Variants in FLI1 observed in about 807,000 individuals in gnomAD.
FLI1 encodes the protein Friend leukemia integration 1 transcription factor.
FLI1 carries 13 observed loss-of-function variants against 53.1 expected under a neutral mutation model. The observed-to-expected ratio is 0.24, with a 90% CI of 0.16 to 0.39. FLI1 has a LOEUF of 0.39. FLI1 is among the 10% of genes least tolerant of loss of function. The pLI, the probability that FLI1 is intolerant of heterozygous loss-of-function variation, is 1.00. For missense variants in FLI1, 424 were observed against 600.5 expected (o/e 0.71, Z 3.07); for synonymous variants, 244 against 236.7 (o/e 1.03, Z -0.28).
intron 1 of FLI1, among the ~76,000 whole-genome samples, chr11:128,740,869 T>A (rs1258027768): frequency 6.6e-6 from 1 of 152,062 alleles, no homozygotes; most frequent in Non-Finnish European, 1.5e-5. Flanking sequence ...CTAATGGGGA[T>A]GGGGACTAGG....
At chr11:128,807,007 A>G (rs1448961863) in intron 6 of FLI1, 173 bp from the exon 7 acceptor site, 1 of 399,002 alleles carries the variant, frequency 2.5e-6, no homozygotes, top group Non-Finnish European at 4.4e-6. Context: ...TCCAGCCTGG[A>G]GAACAGGGCC....
chr11:128,784,745 C>G (rs1252830475), intron 5 of FLI1, among the ~76,000 whole-genome samples: 1 of 152,232 alleles, frequency 6.6e-6, no homozygotes, highest in African/African-American at 2.4e-5. Flanking sequence ...CTGCTCTGCT[C>G]TAATCACTAT....
intron 4 of FLI1, among the ~76,000 whole-genome samples, chr11:128,773,440 G>A (rs978293097): frequency 1.3e-5 from 2 of 151,820 alleles, no homozygotes; most frequent in African/African-American, 4.8e-5. Flanking sequence ...GGATACTCTG[G>A]CACACCCTAA....
At chr11:128,797,521 C>G (rs1244384889) in intron 5 of FLI1, among the ~76,000 whole-genome samples, 1 of 152,196 alleles carries the variant, frequency 6.6e-6, no homozygotes, top group African/African-American at 2.4e-5. Flanking sequence ...CCTGCACTGC[C>G]TACTTCCCTC....
In FLI1 at chr11:128,764,672, A is replaced by G. The variant is rs972141545; in HGVS notation, c.231-3446A>G. 9 of 1,536,324 alleles carry G rather than the reference A, an allele frequency of 5.9e-6. No homozygotes were observed. The African/African-American group carries it at 1.1e-4, about 19-fold the overall frequency. ...ACAGGCGCCAGCTGCCTCATTAAAG[A>G]GCAGCCTTTTATGCTGGGCTTCACC... On this transcript the variant is annotated intron_variant, in intron 2 of 8. Coordinates refer to ENST00000527786, the MANE Select transcript of FLI1 (RefSeq NM_002017.5).
chr11:128,760,313 C>T (rs1017336703), intron 2 of FLI1, among the ~76,000 whole-genome samples: 1 of 152,122 alleles, frequency 6.6e-6, no homozygotes, highest in African/African-American at 2.4e-5. Flanking sequence ...GGAGCCCGAA[C>T]CCAGGCGTTT....
chr11:128,778,034 C>A (rs541442983), intron 4 of FLI1, among the ~76,000 whole-genome samples: 4 of 152,288 alleles, frequency 2.6e-5, no homozygotes, highest in African/African-American at 9.6e-5. Flanking sequence ...ATCTTTTCCC[C>A]ATGCTTGCAC....
chr11:128,749,432 A>G (rs1940550966), intron 1 of FLI1, among the ~76,000 whole-genome samples: 2 of 152,154 alleles, frequency 1.3e-5, no homozygotes, highest in Admixed American at 6.5e-5. Flanking sequence ...GCCTCTCCAT[A>G]CGGTTGCTCA....
chr11:128,770,497 T>A (rs191228492), intron 3 of FLI1, among the ~76,000 whole-genome samples: 77 of 152,310 alleles, frequency 5.1e-4, no homozygotes, highest in African/African-American at 1.8e-3. Flanking sequence ...AATCACTAGC[T>A]CCATGTTCAG....
At chr11:128,687,736 T>G (rs1937604318) in intron 1 of FLI1, among the ~76,000 whole-genome samples, 1 of 151,962 alleles carries the variant, frequency 6.6e-6, no homozygotes, top group Non-Finnish European at 1.5e-5. Context: ...CCAACCCTCC[T>G]CAGATCTCTC....
intron 1 of FLI1, among the ~76,000 whole-genome samples, chr11:128,742,291 A>G (rs778529677): frequency 6.6e-5 from 10 of 152,344 alleles, no homozygotes; most frequent in Non-Finnish European, 1.0e-4. Context: ...TTCCATAGAC[A>G]TATTCCTGGC....
intron 3 of FLI1, among the ~76,000 whole-genome samples, chr11:128,768,742 C>G (rs868546322): frequency 6.6e-6 from 1 of 151,942 alleles, no homozygotes; most frequent in South Asian, 2.1e-4. Flanking sequence ...TCCTAGCTGC[C>G]CTTTAAGGCA....
At chr11:128,797,112 T>C (rs1371161635) in intron 5 of FLI1, among the ~76,000 whole-genome samples, 3 of 152,270 alleles carry the variant, frequency 2.0e-5, no homozygotes, top group African/African-American at 7.2e-5. Flanking sequence ...AGGCAAATCA[T>C]GGGAATTGTT....
intron 4 of FLI1, among the ~76,000 whole-genome samples, chr11:128,779,272 T>G (rs568250463): frequency 1.1e-4 from 16 of 152,346 alleles, no homozygotes; most frequent in Admixed American, 9.8e-4. Flanking sequence ...ATCATTTTTC[T>G]TTATTTGCTC....
rs565143350 is a variant in FLI1, at chr11:128,779,539, A to G, written c.590-2419A>G. Among the ~76,000 whole-genome samples the G allele has an allele frequency of 2.3e-4, 35 of 152,358 alleles. No homozygotes were observed. In the South Asian group the frequency reaches 7.0e-3, roughly 31 times the overall value. On this transcript the variant is annotated intron_variant, in intron 4 of 8. Coordinates refer to ENST00000527786, the MANE Select transcript of FLI1 (RefSeq NM_002017.5). ...AATTGTGACATCTGTGGGAGAAAGG[A>G]TGTAAAAATAGTAACGATCATAGCT...
In FLI1 at chr11:128,768,110, C is replaced by A. The variant is rs760050786; in HGVS notation, c.231-8C>A. The A allele has an allele frequency of 6.2e-7, 1 of 1,605,286 alleles. No homozygotes were observed. The highest frequency in any genetic ancestry group is 8.5e-7 in the Non-Finnish European group (1 of 1,174,426). ...ACCGCCTCTGGGCTTTGTCTCTTCT[C>A]ACTTTAGGGAGTCTCCGGTGGACTG... On this transcript the variant is annotated splice_polypyrimidine_tract_variant and splice_region_variant and intron_variant, in intron 2 of 8. Coordinates refer to ENST00000527786, the MANE Select transcript of FLI1 (RefSeq NM_002017.5).
chr11:128,768,561 C>T (rs991121718), intron 3 of FLI1: 9 of 378,108 alleles, frequency 2.4e-5, no homozygotes, highest in Non-Finnish European at 3.5e-5. Context: ...TGGTAGTGGA[C>T]GCTTATATTC....
At chr11:128,800,325 T>C (rs1415597686) in intron 5 of FLI1, among the ~76,000 whole-genome samples, 1 of 152,164 alleles carries the variant, frequency 6.6e-6, no homozygotes, top group Non-Finnish European at 1.5e-5. Context: ...TTCATCTTTT[T>C]CCACCCAGTC....
chr11:128,731,048 C>A (rs1269079828), intron 1 of FLI1, among the ~76,000 whole-genome samples: 2 of 152,250 alleles, frequency 1.3e-5, no homozygotes, highest in Non-Finnish European at 2.9e-5. Context: ...CATGTCCTCT[C>A]CCCGTGAAAG....
Sources: allele counts gnomAD v4.1 joint callset (sites outside exome capture counted in the v4.1 genomes callset), GRCh38; gene constraint gnomAD v4.1.1; transcripts MANE v1.5; gene names NCBI Gene and HGNC (gene_info 2026-07-23, HGNC 2026-07-21).